The following FRMD4A variants were observed in gnomAD, a reference collection of about 807,000 sequenced individuals.
The protein encoded by FRMD4A is FERM domain containing 4A.
In FRMD4A, 29 loss-of-function variants were observed where a neutral mutation model predicts 129.1. That is an observed-to-expected ratio of 0.22 (90% confidence interval 0.17 to 0.31). The LOEUF (loss-of-function observed/expected upper bound fraction) is 0.31. Ranked by LOEUF, FRMD4A falls within the 10% of genes least tolerant of loss-of-function variation. The pLI is 1.00. For missense variants in FRMD4A, 1,272 were observed against 1,375.8 expected, an observed-to-expected ratio of 0.92 and a Z score of 1.19; for synonymous variants, 634 against 571.6, an observed-to-expected ratio of 1.11 and a Z score of -1.56.
At chr10:14,323,451 A>C (rs954636986) in intron 2 of FRMD4A, among the ~76,000 whole-genome samples, 1 of 152,128 alleles carries the variant, frequency 6.6e-6, no homozygotes, top group Admixed American at 6.5e-5. Context: ...GTGCTTCTCC[A>C]TTTATATTTA....
chr10:14,159,725 C>CT lies in FRMD4A; in HGVS notation c.45+170332dup, dbSNP rs149668896. ...AAAACAAAAACAACAACAAAAAAAG[C>CT]TAGAGGTATCACCTGATGGAACTTC... is the stretch of plus-strand genomic sequence containing the variant. On this transcript the variant is annotated intron_variant, in intron 2 of 24. Transcript: ENST00000357447. Among the ~76,000 whole-genome samples the CT allele has an allele frequency of 3.3e-5, 5 of 152,218 alleles. No homozygotes were observed. In the East Asian group the frequency reaches 9.6e-4, roughly 29 times the overall value.
intron 4 of FRMD4A, among the ~76,000 whole-genome samples, chr10:13,799,358 G>A (rs911799277): frequency 4.6e-5 from 7 of 151,970 alleles, no homozygotes; most frequent in South Asian, 4.2e-4. Flanking sequence ...GGGTTTCACC[G>A]TGTTGCCCAG....
chr10:14,219,122 C>A (rs1320688751), intron 2 of FRMD4A, among the ~76,000 whole-genome samples: 1 of 151,930 alleles, frequency 6.6e-6, no homozygotes, highest in East Asian at 1.9e-4. Flanking sequence ...ACACAAGGCT[C>A]AATTAGTTTG....
At chr10:14,174,920 G>T (rs71479864) in intron 2 of FRMD4A, among the ~76,000 whole-genome samples, 1 of 121,704 alleles carries the variant, frequency 8.2e-6, no homozygotes, top group Admixed American at 8.5e-5. Context: ...TGTGTGTGTG[G>T]ACGCGCGCGT....
intron 2 of FRMD4A, among the ~76,000 whole-genome samples, chr10:14,061,900 C>T (rs929113641): frequency 2.6e-5 from 4 of 152,182 alleles, no homozygotes; most frequent in East Asian, 1.9e-4. Flanking sequence ...GACTACAATG[C>T]CCCAACTTCC....
At chr10:13,908,095 G>A (rs1422599577) in intron 2 of FRMD4A, among the ~76,000 whole-genome samples, 2 of 141,128 alleles carry the variant, frequency 1.4e-5, no homozygotes, top group Non-Finnish European at 3.0e-5. Context: ...AACCCTGGAG[G>A]CAGAGGTTGC....
Position 14,134,043 on chromosome 10 carries a change from A to G in FRMD4A, c.45+196015T>C, listed in dbSNP as rs116984963. ...CAGGCTGGGTTCTCCTCTTTGCTTT[A>G]ACTGCTAGAAAATATAGAGCCATAT... On this transcript the variant is annotated intron_variant, in intron 2 of 24. Transcript: ENST00000357447. Among the ~76,000 whole-genome samples the G allele has an allele frequency of 4.7e-3, 717 of 152,304 alleles. 8 individuals carry two copies. Among genetic ancestry groups the G allele is most frequent in the East Asian group, 0.042 (218 of 5,186 alleles).
intron 12 of FRMD4A, among the ~76,000 whole-genome samples, chr10:13,711,517 A>G (rs1414963372): frequency 6.6e-6 from 1 of 152,208 alleles, no homozygotes; most frequent in African/African-American, 2.4e-5. Flanking sequence ...TCTCCGCATA[A>G]AAACACAGCA....
chr10:14,028,782 T>C (rs1833099024), intron 2 of FRMD4A, among the ~76,000 whole-genome samples: 2 of 152,126 alleles, frequency 1.3e-5, no homozygotes, highest in Admixed American at 1.3e-4. Context: ...GAGGTTGGGA[T>C]TTGCAGCACT....
chr10:14,080,626 A>G (rs1835876557), intron 2 of FRMD4A, among the ~76,000 whole-genome samples: 1 of 152,010 alleles, frequency 6.6e-6, no homozygotes, highest in Non-Finnish European at 1.5e-5. Flanking sequence ...ACACAGCTAC[A>G]ATCACAGAAG....
chr10:13,741,132 T>G (rs2090979178), intron 9 of FRMD4A, among the ~76,000 whole-genome samples: 1 of 152,138 alleles, frequency 6.6e-6, no homozygotes, highest in Admixed American at 6.5e-5. Flanking sequence ...TGGCTTATCT[T>G]GGATTTCTAA....
In FRMD4A at chr10:14,058,167, A is replaced by C. The variant is rs56791442; in HGVS notation, c.46-199255T>G. 8.2e-3 allele frequency among the ~76,000 whole-genome samples: 1,243 copies of C among 152,284 alleles called. 17 individuals are homozygous for C. The highest frequency in any genetic ancestry group is 0.028 in the African/African-American group (1,162 of 41,548). ...TTGGTTGAAGGAGGTGATAGTCCCC[A>C]AATGCTAGCTTCCCAAACCCATAGG... is the stretch of plus-strand genomic sequence containing the variant. On this transcript the variant is annotated intron_variant, in intron 2 of 24. Coordinates refer to ENST00000357447, the MANE Select transcript of FRMD4A (RefSeq NM_018027.5).
intron 2 of FRMD4A, among the ~76,000 whole-genome samples, chr10:14,102,182 A>G (rs531442229): frequency 3.7e-4 from 57 of 152,302 alleles, no homozygotes; most frequent in African/African-American, 1.3e-3. Context: ...TTTCCTCACC[A>G]GCTGTAAGTC....
intron 2 of FRMD4A, among the ~76,000 whole-genome samples, chr10:14,252,683 G>A (rs1005586922): frequency 7.2e-5 from 11 of 152,182 alleles, no homozygotes; most frequent in African/African-American, 2.7e-4. Flanking sequence ...CATTGGTTAA[G>A]GTGGTATATG....
intron 2 of FRMD4A, among the ~76,000 whole-genome samples, chr10:13,908,326 C>T (rs1055985480): frequency 6.6e-6 from 1 of 152,140 alleles, no homozygotes; most frequent in Admixed American, 6.5e-5. Flanking sequence ...TCCCCATTCC[C>T]TCCCCAGAAG....
At chr10:14,015,905 G>A (rs913893177) in intron 2 of FRMD4A, among the ~76,000 whole-genome samples, 1 of 152,196 alleles carries the variant, frequency 6.6e-6, no homozygotes, top group African/African-American at 2.4e-5. Flanking sequence ...GAGGTACAGA[G>A]ACTGAAGTAA....
At chr10:14,174,281 C>G (rs369710966) in intron 2 of FRMD4A, among the ~76,000 whole-genome samples, 69 of 152,248 alleles carry the variant, frequency 4.5e-4, no homozygotes, top group African/African-American at 1.6e-3. Flanking sequence ...CTCCCTCTCC[C>G]GCGCTCTCTC....
intron 2 of FRMD4A, among the ~76,000 whole-genome samples, chr10:13,982,268 G>A (rs775626412): frequency 6.6e-5 from 10 of 152,122 alleles, no homozygotes; most frequent in African/African-American, 2.2e-4. Context: ...AGGATCACTT[G>A]CGCCCAGGAG....
intron 2 of FRMD4A, among the ~76,000 whole-genome samples, chr10:14,120,579 G>C (rs557374077): frequency 6.6e-6 from 1 of 152,292 alleles, no homozygotes; most frequent in South Asian, 2.1e-4. Context: ...TGAGCTAAAC[G>C]TTTCCAGAGA....
Sources: allele counts gnomAD v4.1 joint callset (sites outside exome capture counted in the v4.1 genomes callset), GRCh38; gene constraint gnomAD v4.1.1; transcripts MANE v1.5; gene names NCBI Gene and HGNC (gene_info 2026-07-23, HGNC 2026-07-21).